TK1: variants seen among roughly 807,000 people sequenced by gnomAD.
TK1 encodes the protein thymidine kinase, cytosolic.
In TK1, 13 loss-of-function variants were observed where a neutral mutation model predicts 22.4. The ratio of observed to expected loss-of-function variants is 0.58; its 90% confidence interval spans 0.38 to 0.92. The LOEUF (loss-of-function observed/expected upper bound fraction) is 0.92. Ranked by LOEUF, TK1 falls within the 40% of genes least tolerant of loss-of-function variation. The pLI, the probability that TK1 is intolerant of heterozygous loss-of-function variation, is 0.00. For missense variants in TK1, 251 were observed against 315.7 expected (o/e 0.80, Z 1.55); for synonymous variants, 134 against 125.4 (o/e 1.07, Z -0.46).
Position 78,187,044 on chromosome 17 carries a change from C to T in TK1, c.-50G>A. On this transcript the variant is annotated 5_prime_UTR_variant, in exon 1 of 7. Transcript: ENST00000301634. Reference sequence around the variant, plus strand: ...CCGAGTACTCTCCAAGGCCGTCCCGCAGTAAGCCCCTGGTTCCCGCGCCGA... The same window carrying T: ...CCGAGTACTCTCCAAGGCCGTCCCGTAGTAAGCCCCTGGTTCCCGCGCCGA... 6.4e-7 allele frequency: 1 copy of T among 1,564,028 alleles called. No individual in the cohort carries two copies. The highest frequency in any genetic ancestry group is 8.7e-7 in the Non-Finnish European group (1 of 1,145,784).
chr17:78,185,419 C>T lies in TK1; in HGVS notation c.99-254G>A, dbSNP rs570731903. Among the ~76,000 whole-genome samples, 21 of 152,270 alleles carry T rather than the reference C, an allele frequency of 1.4e-4. No homozygotes were observed. The South Asian group carries it at 3.3e-3, about 24-fold the overall frequency. ...CAGGAAGTGTGGGAGGAGTAACCTTCTCCAAGATGTAGTGGGGAAGGCAGA... is the reference window on the plus strand; with the variant it reads ...CAGGAAGTGTGGGAGGAGTAACCTTTTCCAAGATGTAGTGGGGAAGGCAGA... On this transcript the variant is annotated intron_variant, in intron 2 of 6. Coordinates refer to ENST00000301634, the MANE Select transcript of TK1 (RefSeq NM_003258.5).
In TK1 at chr17:78,182,666, G is replaced by T. The variant is rs1287793123; in HGVS notation, c.226C>A (p.Leu76Met). 3.8e-6 allele frequency: 6 copies of T among 1,588,322 alleles called. No individual in the cohort carries two copies. The highest frequency in any genetic ancestry group is 5.1e-6 in the Non-Finnish European group (6 of 1,170,222). The change falls in exon 4 of 7, where the codon CTG becomes ATG. Residue 76 changes from leucine to methionine, a missense_variant. Transcript: ENST00000301634. The part of the protein sequence containing the change: ...CTHDRNTMEA[L>M]PACLLRDVAQ... Reference sequence around the variant, plus strand: ...ACGTCTCGGAGCAGGCAGGCGGGCAGTGCCTCCATGGTGTTCCTGGGAAGA... The same window carrying T: ...ACGTCTCGGAGCAGGCAGGCGGGCATTGCCTCCATGGTGTTCCTGGGAAGA...
chr17:78,175,402 C>T (rs979846017), intron 5 of TK1, 127 bp downstream of exon 5: 11 of 1,101,928 alleles, frequency 1.0e-5, no homozygotes, highest in Admixed American at 2.7e-5. Context: ...TCAGCCAAGG[C>T]CTGAGCAGCT....
intron 4 of TK1, chr17:78,179,662 C>A: frequency 1.0e-6 from 1 of 985,430 alleles, no homozygotes; most frequent in Non-Finnish European, 1.2e-6. Context: ...CTGTGACGTC[C>A]GGGCAGGGTA....
chr17:78,181,540 A>G (rs1387693633), intron 4 of TK1, among the ~76,000 whole-genome samples: 1 of 146,044 alleles, frequency 6.8e-6, no homozygotes, highest in African/African-American at 2.7e-5. Flanking sequence ...TCCGTCTCAA[A>G]AAAAAAAAAA....
chr17:78,175,085 C>T lies in TK1; in HGVS notation c.478G>A (p.Ala160Thr). Reference protein sequence around the residue: ...TAVCMECFREAAYTKRLGTEK... With the variant: ...TAVCMECFRETAYTKRLGTEK... Reference sequence around the variant, plus strand: ...GTGCCGAGCCTCTTGGTATAGGCGGCTTCCCGGAAGCACTCCATGCACACC... The same window carrying T: ...GTGCCGAGCCTCTTGGTATAGGCGGTTTCCCGGAAGCACTCCATGCACACC... The change falls in exon 6 of 7, where the codon GCC (alanine) becomes ACC (threonine). Residue 160 changes from alanine to threonine, a missense_variant. Transcript: ENST00000301634. 1 of 1,613,590 alleles carries T rather than the reference C, an allele frequency of 6.2e-7. No individual in the cohort carries two copies. Among genetic ancestry groups the T allele is most frequent in the Non-Finnish European group, 8.5e-7 (1 of 1,179,866 alleles).
chr17:78,187,180 C>T (rs2075816274), upstream of TK1: 2 of 884,420 alleles, frequency 2.3e-6, no homozygotes, highest in Non-Finnish European at 3.6e-6. Context: ...CCCGCCCCCT[C>T]GTGGGAGGAA....
intron 3 of TK1, among the ~76,000 whole-genome samples, chr17:78,183,935 T>C (rs1164783924): frequency 6.6e-6 from 1 of 152,222 alleles, no homozygotes; most frequent in African/African-American, 2.4e-5. Context: ...CCTTGGCCTC[T>C]GTGGCCCGTG....
chr17:78,187,185 G>T (rs2075816453), upstream of TK1: 1 of 879,700 alleles, frequency 1.1e-6, no homozygotes. Context: ...CCCCTCGTGG[G>T]AGGAATCCGG....
Position 78,177,723 on chromosome 17 carries a change from G to A in TK1, c.304-2105C>T, listed in dbSNP as rs151232966. ...CGAGTAGCTGAGACTACAGGTGCCC[G>A]CCACCACGCCTGGCTAATTTTTTTG... On this transcript the variant is annotated intron_variant, in intron 4 of 6. Coordinates refer to ENST00000301634, the MANE Select transcript of TK1 (RefSeq NM_003258.5). 7.7e-3 allele frequency among the ~76,000 whole-genome samples: 1,174 copies of A among 152,088 alleles called. 18 individuals carry two copies. Among genetic ancestry groups the A allele is most frequent in the African/African-American group, 0.025 (1,035 of 41,470 alleles).
chr17:78,181,988 C>T (rs1207906641), intron 4 of TK1, among the ~76,000 whole-genome samples: 1 of 151,862 alleles, frequency 6.6e-6, no homozygotes, highest in East Asian at 1.9e-4. Flanking sequence ...AACTCCTGGG[C>T]TCAAGTGATC....
At chr17:78,186,129 G>A (rs529738640) in intron 2 of TK1, among the ~76,000 whole-genome samples, 18 of 126,178 alleles carry the variant, frequency 1.4e-4, no homozygotes, top group East Asian at 4.8e-4. Flanking sequence ...GGGTGGAGGC[G>A]GGGGGGTGCA....
At chr17:78,180,124 G>A (rs2075728195) in intron 4 of TK1, among the ~76,000 whole-genome samples, 1 of 152,208 alleles carries the variant, frequency 6.6e-6, no homozygotes, top group Admixed American at 6.5e-5. Context: ...AGGTGGCCCT[G>A]TGCCCAGGTT....
intron 2 of TK1, 124 bp downstream of exon 2, chr17:78,186,663 G>A: frequency 1.0e-6 from 1 of 983,100 alleles, no homozygotes; most frequent in Non-Finnish European, 1.5e-6. Flanking sequence ...TCCTTCTAGG[G>A]GAAGGGAAGG....
chr17:78,186,701 A>AGGGGAGGGGC, intron 2 of TK1, 86 bp downstream of exon 2: 2 of 770,870 alleles, frequency 2.6e-6, no homozygotes, highest in Non-Finnish European at 3.5e-6. Flanking sequence ...AGGGGAGGGG[A>AGGGGAGGGGC]GGGGAGGGAA....
At chr17:78,184,555 G>A (rs115449370) in intron 3 of TK1, among the ~76,000 whole-genome samples, 17,992 of 152,026 alleles carry the variant, frequency 0.12, 1,578 homozygotes, top group East Asian at 0.36. Context: ...CCAGGTGACG[G>A]GGGAGCCAGC....
intron 4 of TK1, among the ~76,000 whole-genome samples, chr17:78,176,900 C>T (rs1459880409): frequency 1.3e-5 from 2 of 152,158 alleles, no homozygotes; most frequent in South Asian, 2.1e-4. Context: ...TGTGAGATGT[C>T]CCCTGGGTGG....
intron 1 of TK1, 50 bp from the exon 2 acceptor site, chr17:78,186,868 G>A: frequency 6.4e-7 from 1 of 1,568,776 alleles, no homozygotes; most frequent in African/African-American, 1.4e-5. Context: ...GCGGATGCCT[G>A]GACACAGGCT....
rs754855093 is a variant in TK1, at chr17:78,187,041, C to T, written c.-47G>A. Reference sequence around the variant, plus strand: ...AACCCGAGTACTCTCCAAGGCCGTCCCGCAGTAAGCCCCTGGTTCCCGCGC... The same window carrying T: ...AACCCGAGTACTCTCCAAGGCCGTCTCGCAGTAAGCCCCTGGTTCCCGCGC... On this transcript the variant is annotated 5_prime_UTR_variant, in exon 1 of 7. Coordinates refer to ENST00000301634, the MANE Select transcript of TK1 (RefSeq NM_003258.5). 1.9e-6 allele frequency: 3 copies of T among 1,567,488 alleles called. No individual in the cohort carries two copies. Among genetic ancestry groups the T allele is most frequent in the Non-Finnish European group, 2.6e-6 (3 of 1,148,860 alleles).
Sources: allele counts gnomAD v4.1 joint callset (sites outside exome capture counted in the v4.1 genomes callset), GRCh38; gene constraint gnomAD v4.1.1; transcripts MANE v1.5; gene names NCBI Gene and HGNC (gene_info 2026-07-23, HGNC 2026-07-21).